The following POLE variants were observed in gnomAD, a reference collection of about 807,000 sequenced individuals.
The protein encoded by POLE is DNA polymerase epsilon, catalytic subunit.
A neutral mutation model predicts 279.2 loss-of-function variants in POLE; 188 were observed. That is an observed-to-expected ratio of 0.67 (90% CI 0.60 to 0.76). The LOEUF (loss-of-function observed/expected upper bound fraction) is 0.76, where lower values mean the gene tolerates loss of function less well. POLE is among the 30% of genes least tolerant of loss of function. The pLI is 0.00. For missense variants in POLE, 2,703 were observed against 3,016.7 expected (o/e 0.90, Z 2.44); for synonymous variants, 1,214 against 1,172.5 (o/e 1.04, Z -0.72).
Position 132,680,167 on chromosome 12 carries a change from AACAC to A in POLE, c.330+7_330+10del. Reference sequence around the variant, plus strand: ...CAGGTCGTCTGACCTGAGTCTATGAAACACACTCACCTTTCTGGTCGCAATGTAG... The same window carrying A: ...CAGGTCGTCTGACCTGAGTCTATGAAACTCACCTTTCTGGTCGCAATGTAG... On this transcript the variant is annotated splice_region_variant and intron_variant, in intron 4 of 48. Coordinates refer to ENST00000320574, the MANE Select transcript of POLE (RefSeq NM_006231.4). 1.9e-6 allele frequency: 3 copies of A among 1,613,388 alleles called. No homozygotes were observed. The highest frequency in any genetic ancestry group is 2.5e-6 in the Non-Finnish European group (3 of 1,179,264).
Position 132,646,559 on chromosome 12 carries a change from G to A in POLE, c.4149+2370C>T, listed in dbSNP as rs142674795. 4.8e-3 allele frequency among the ~76,000 whole-genome samples: 721 copies of A among 150,122 alleles called. 8 individuals are homozygous for A. Among genetic ancestry groups the A allele is most frequent in the South Asian group, 0.045 (213 of 4,750 alleles). On this transcript the variant is annotated intron_variant, in intron 32 of 48. Transcript: ENST00000320574. ...AAAAAAAAAAATTCTGGGGCCGGGCGCCATGGTTCAACCTGTAATCCCAGC... is the reference window on the plus strand; with the variant it reads ...AAAAAAAAAAATTCTGGGGCCGGGCACCATGGTTCAACCTGTAATCCCAGC...
intron 28 of POLE, 29 bp downstream of exon 28, chr12:132,657,320 A>C (rs2042566477): frequency 1.2e-6 from 2 of 1,613,892 alleles, no homozygotes; most frequent in Admixed American, 1.7e-5. Flanking sequence ...TTTTAGCCCC[A>C]CAGCCCGTGC....
chr12:132,653,771 G>T (rs375300967), intron 29 of POLE, among the ~76,000 whole-genome samples: 2 of 152,156 alleles, frequency 1.3e-5, no homozygotes, highest in African/African-American at 4.8e-5. Context: ...CCAGTGTTTT[G>T]TGGTTAAGTA....
intron 6 of POLE, 93 bp downstream of exon 6, chr12:132,679,404 C>T: frequency 8.0e-7 from 1 of 1,251,800 alleles, no homozygotes; most frequent in South Asian, 1.5e-5. Context: ...ACAGAGCCAG[C>T]CATTAAGGTA....
rs755810756 is a variant in POLE, at chr12:132,668,393, G to A, written c.2136C>T (p.Arg712=). ...TCTTCTCGTATTTCGCCTGTTCCTCGCGGGACAGTTCATGAAAGGCCCGAG... is the reference window on the plus strand; with the variant it reads ...TCTTCTCGTATTTCGCCTGTTCCTCACGGGACAGTTCATGAAAGGCCCGAG... ...GPARAFHELS[R]EEQAKYEKRR... The change falls in exon 19 of 49, where the codon CGC becomes CGT. Residue 712 remains arginine (R), a synonymous_variant. Coordinates refer to ENST00000320574, the MANE Select transcript of POLE (RefSeq NM_006231.4). This position sits in a 1 kb window ranked among gnomAD's most constrained non-coding sequence, Gnocchi z 4.0. The A allele has an allele frequency of 9.9e-6, 16 of 1,608,886 alleles. No individual in the cohort carries two copies. Among genetic ancestry groups the A allele is most frequent in the African/African-American group, 4.0e-5 (3 of 74,666 alleles).
At chr12:132,625,344 T>C (rs758577706) in intron 47 of POLE, 1 of 727,766 alleles carries the variant, frequency 1.4e-6, no homozygotes, top group East Asian at 2.6e-5. Context: ...CGGCAAGACC[T>C]TCCTGTGGCC....
chr12:132,638,861 A>G, intron 40 of POLE: 1 of 457,590 alleles, frequency 2.2e-6, no homozygotes, highest in Non-Finnish European at 4.0e-6. Flanking sequence ...AACAAGGCAC[A>G]CAGCAATACA....
chr12:132,648,849 G>T (rs2138594416), intron 32 of POLE, 80 bp downstream of exon 32: 1 of 1,446,680 alleles, frequency 6.9e-7, no homozygotes, highest in African/African-American at 1.4e-5. Context: ...GGAGATGGAG[G>T]CTGGAGGCCA....
rs1057522074 is a variant in POLE, at chr12:132,626,285, C to T, written c.6363G>A (p.Gln2121=). 3.1e-6 allele frequency: 5 copies of T among 1,613,704 alleles called. No individual in the cohort carries two copies. In the African/African-American group the frequency reaches 6.7e-5, roughly 22 times the overall value. Residue 2121 remains glutamine, a synonymous_variant, in exon 46 of 49, where the codon CAG becomes CAA. Coordinates refer to ENST00000320574, the MANE Select transcript of POLE (RefSeq NM_006231.4). The part of the protein sequence containing the change: ...VLSLDTNITN[Q]VNKLNRDLLR... ...GCAGGTCTCGGTTCAGCTTATTCAC[C>T]TGGTTTGTGATGTTGGTGTCCAGGG... is the stretch of plus-strand genomic sequence containing the variant.
intron 23 of POLE, among the ~76,000 whole-genome samples, chr12:132,662,111 C>G (rs2042695205): frequency 1.3e-5 from 2 of 152,190 alleles, no homozygotes; most frequent in South Asian, 2.1e-4. Flanking sequence ...GTGAACGTCA[C>G]TGTGTGCAAA....
rs1000832892 is a variant in POLE, at chr12:132,669,703, C to T, written c.1795-764G>A. 5.9e-5 allele frequency among the ~76,000 whole-genome samples: 9 copies of T among 152,152 alleles called. No individual in the cohort carries two copies. In the South Asian group the frequency reaches 8.3e-4, roughly 14 times the overall value. On this transcript the variant is annotated intron_variant, in intron 16 of 48. Transcript: ENST00000320574. Reference sequence around the variant, plus strand: ...GTAACGGCGTGTTCTGAAAGGCTGTCCAGTCAAGAAGGGGAGGATGGGCTG... The same window carrying T: ...GTAACGGCGTGTTCTGAAAGGCTGTTCAGTCAAGAAGGGGAGGATGGGCTG...
intron 26 of POLE, 44 bp downstream of exon 26, chr12:132,659,251 G>A (rs2138673013): frequency 6.3e-7 from 1 of 1,588,808 alleles, no homozygotes; most frequent in Non-Finnish European, 8.6e-7. Context: ...ACCTGTCCGT[G>A]ATGGGAGGAG....
At position 132,639,587 on chromosome 12, in the gene POLE, A is replaced by C. The variant is rs2042100687; in HGVS notation, c.5379-289T>G. Among the ~76,000 whole-genome samples, 1 of 152,170 alleles carries C rather than the reference A, an allele frequency of 6.6e-6. No individual in the cohort carries two copies. The highest frequency in any genetic ancestry group is 2.1e-4 in the South Asian group (1 of 4,828). On this transcript the variant is annotated intron_variant, in intron 39 of 48. Coordinates refer to ENST00000320574, the MANE Select transcript of POLE (RefSeq NM_006231.4). The surrounding 1 kb of genome is among the most constrained non-coding windows in gnomAD (Gnocchi z 4.7). Reference sequence around the variant, plus strand: ...CAGGACGGGAGGGCAGCACAGTACAAAGCAGCAAGTGTGTGACGGGCCGGG... The same window carrying C: ...CAGGACGGGAGGGCAGCACAGTACACAGCAGCAAGTGTGTGACGGGCCGGG...
chr12:132,665,518 C>T lies in POLE; in HGVS notation c.2320-68G>A, dbSNP rs116095591. On this transcript the variant is annotated intron_variant, in intron 20 of 48. Coordinates refer to ENST00000320574, the MANE Select transcript of POLE (RefSeq NM_006231.4). ...TTTCACATTCTACAAAGTCAATAGC[C>T]CAGGTTTTTAGTATTTTGAAAATTT... 1,163 of 1,513,424 alleles carry T rather than the reference C, an allele frequency of 7.7e-4. 15 individuals are homozygous for T. In the African/African-American group the frequency reaches 0.014, roughly 18 times the overall value. 93.7% of individuals were successfully genotyped at this position (1,513,424 alleles called of 1,614,324 possible).
In POLE at chr12:132,624,681, C is replaced by T. The variant is rs1555300695; in HGVS notation, c.*16G>A. On this transcript the variant is annotated 3_prime_UTR_variant, in exon 49 of 49. Coordinates refer to ENST00000320574, the MANE Select transcript of POLE (RefSeq NM_006231.4). Reference sequence around the variant, plus strand: ...GGCCTGGCACGGACGCAGAGGCACCCGGGGCCCGGGGCTGGCTAATGGCCC... The same window carrying T: ...GGCCTGGCACGGACGCAGAGGCACCTGGGGCCCGGGGCTGGCTAATGGCCC... 5 of 1,535,620 alleles carry T rather than the reference C, an allele frequency of 3.3e-6. No individual in the cohort carries two copies. Among genetic ancestry groups the T allele is most frequent in the South Asian group, 2.2e-5 (2 of 89,468 alleles).
At chr12:132,659,927 A>C (rs1265993584) in intron 25 of POLE, 1 of 197,390 alleles carries the variant, frequency 5.1e-6, no homozygotes. Flanking sequence ...CCTGACCTCA[A>C]GTGGTCTGCC....
chr12:132,656,861 T>C (rs1475783951), intron 29 of POLE, among the ~76,000 whole-genome samples: 2 of 152,228 alleles, frequency 1.3e-5, no homozygotes, highest in African/African-American at 4.8e-5. Flanking sequence ...AGACAGTGAT[T>C]TGCCCAAGGC....
At chr12:132,673,076 G>C in intron 14 of POLE, 88 bp downstream of exon 14, 1 of 929,622 alleles carries the variant, frequency 1.1e-6, no homozygotes, top group Non-Finnish European at 1.8e-6. Flanking sequence ...AGCACTCCTG[G>C]GACATCCACC....
At chr12:132,641,096 C>T (rs1184945567) in intron 39 of POLE, 2 of 456,346 alleles carry the variant, frequency 4.4e-6, no homozygotes, top group African/African-American at 2.0e-5. Context: ...AGACAATAAC[C>T]GCTCCCCGTC....
Sources: gnomAD v4.1 joint callset for allele counts (sites outside exome capture counted in the v4.1 genomes callset) on GRCh38, gnomAD v4.1.1 for gene constraint, Gnocchi (gnomAD v3.1) non-coding constraint, MANE v1.5 for transcripts, NCBI Gene and HGNC (gene_info 2026-07-23, HGNC 2026-07-21) for gene names.